FOXN3: variants seen among roughly 807,000 people sequenced by gnomAD.
The protein encoded by FOXN3 is forkhead box protein N3.
FOXN3 carries 7 observed loss-of-function variants against 38.4 expected under a neutral mutation model. That is an observed-to-expected ratio of 0.18 (90% CI 0.10 to 0.34). The LOEUF is 0.34. Among genes scored for constraint, FOXN3 ranks in the 10% least tolerant of loss-of-function variants. The pLI, the probability that FOXN3 is intolerant of heterozygous loss-of-function variation, is 1.00. For missense variants in FOXN3, 456 were observed against 613.4 expected (o/e 0.74, Z 2.71); for synonymous variants, 230 against 242.2 (o/e 0.95, Z 0.47).
chr14:89,230,584 CTAT>C (rs1884776400), intron 4 of FOXN3: 2 of 232,658 alleles, frequency 8.6e-6, no homozygotes, highest in African/African-American at 2.2e-5. Flanking sequence ...GTGCTAGCTA[CTAT>C]TATTATTTTG....
At chr14:89,515,265 C>T (rs1241958264) in intron 1 of FOXN3, among the ~76,000 whole-genome samples, 5 of 152,058 alleles carry the variant, frequency 3.3e-5, no homozygotes, top group Admixed American at 1.3e-4. Context: ...TCTGGATCTA[C>T]AGTCCACTTT....
chr14:89,493,876 G>T (rs1320969319), intron 1 of FOXN3: 2 of 150,160 alleles, frequency 1.3e-5, no homozygotes, highest in African/African-American at 2.5e-5. Flanking sequence ...AAAAAAAATA[G>T]CTTCATTAAC....
chr14:89,344,618 C>G (rs1888712035), intron 3 of FOXN3, among the ~76,000 whole-genome samples: 1 of 152,186 alleles, frequency 6.6e-6, no homozygotes, highest in African/African-American at 2.4e-5. Flanking sequence ...ATGGGGAGAG[C>G]TGCTGTTTAT....
chr14:89,193,204 A>C (rs1888008681), intron 4 of FOXN3, among the ~76,000 whole-genome samples: 3 of 152,026 alleles, frequency 2.0e-5, no homozygotes, highest in African/African-American at 7.2e-5. Context: ...ACTCGTACCC[A>C]AAGTTTTTCT....
At chr14:89,189,546 G>C (rs1887892502) in intron 4 of FOXN3, among the ~76,000 whole-genome samples, 2 of 152,250 alleles carry the variant, frequency 1.3e-5, no homozygotes, top group African/African-American at 4.8e-5. Flanking sequence ...TAAACCAGCT[G>C]TCTGTGTGTT....
chr14:89,299,546 C>G (rs1260651494), intron 3 of FOXN3, among the ~76,000 whole-genome samples: 1 of 152,230 alleles, frequency 6.6e-6, no homozygotes, highest in Non-Finnish European at 1.5e-5. Context: ...TGGAATCTCT[C>G]CATCTCAGCC....
chr14:89,552,672 A>G (rs1376626912), intron 1 of FOXN3, among the ~76,000 whole-genome samples: 1 of 152,206 alleles, frequency 6.6e-6, no homozygotes, highest in Non-Finnish European at 1.5e-5. Context: ...CAGCCTGGCA[A>G]ACATGCCAAA....
chr14:89,201,791 C>T (rs1888242611), intron 4 of FOXN3, among the ~76,000 whole-genome samples: 1 of 152,208 alleles, frequency 6.6e-6, no homozygotes, highest in African/African-American at 2.4e-5. Flanking sequence ...AAGATAGCTC[C>T]TGCCCAGTTC....
chr14:89,345,501 C>T (rs1888735733), intron 3 of FOXN3, among the ~76,000 whole-genome samples: 1 of 151,924 alleles, frequency 6.6e-6, no homozygotes, highest in African/African-American at 2.4e-5. Context: ...TTTTTTATTT[C>T]AATAGTTTTT....
intron 4 of FOXN3, among the ~76,000 whole-genome samples, chr14:89,252,885 C>G (rs10467851): frequency 0.092 from 13,968 of 152,146 alleles, 1,674 homozygotes; most frequent in African/African-American, 0.28. Context: ...TGAGTGTGTG[C>G]ACAACATGGC....
intron 1 of FOXN3, among the ~76,000 whole-genome samples, chr14:89,581,650 G>A (rs531231366): frequency 5.2e-4 from 79 of 152,202 alleles, no homozygotes; most frequent in Admixed American, 4.8e-3. Flanking sequence ...CAGGGCCATG[G>A]TGTTTGATGT....
At chr14:89,394,693 C>T (rs1386267371) in intron 2 of FOXN3, among the ~76,000 whole-genome samples, 1 of 152,240 alleles carries the variant, frequency 6.6e-6, no homozygotes, top group East Asian at 1.9e-4. Flanking sequence ...GCGCTGAGCG[C>T]CCTCACAGCC....
intron 4 of FOXN3, among the ~76,000 whole-genome samples, chr14:89,195,781 C>T (rs541516033): frequency 5.3e-5 from 8 of 152,240 alleles, no homozygotes; most frequent in African/African-American, 9.6e-5. Context: ...CAGGGGGGTA[C>T]GAGAGAACAA....
chr14:89,597,867 A>C (rs990555588), intron 1 of FOXN3, among the ~76,000 whole-genome samples: 3 of 152,066 alleles, frequency 2.0e-5, no homozygotes, highest in Admixed American at 6.6e-5. Flanking sequence ...CAATCTGATA[A>C]TCTTTTGACT....
chr14:89,438,031 TGAAC>T (rs1596273457), intron 1 of FOXN3, among the ~76,000 whole-genome samples: 3 of 152,274 alleles, frequency 2.0e-5, no homozygotes, highest in African/African-American at 7.2e-5. Flanking sequence ...TGATAATGAA[TGAAC>T]GACTGCTGTA....
At chr14:89,343,494 A>AG (rs991247137) in intron 3 of FOXN3, among the ~76,000 whole-genome samples, 1 of 151,606 alleles carries the variant, frequency 6.6e-6, no homozygotes, top group Non-Finnish European at 1.5e-5. Context: ...TAAATTAAAA[A>AG]AAAAAAAGGA....
rs573114116 is a variant in FOXN3, at chr14:89,261,907, C to T, written c.745+19043G>A. Among the ~76,000 whole-genome samples the T allele has an allele frequency of 8.6e-5, 13 of 152,024 alleles. No homozygotes were observed. In the South Asian group the frequency reaches 2.3e-3, roughly 27 times the overall value. Reference sequence around the variant, plus strand: ...CATGTCAACTGCACTCCAGTCTGGGCGACAGAGCGAGACTCCGTCTCAAAA... The same window carrying T: ...CATGTCAACTGCACTCCAGTCTGGGTGACAGAGCGAGACTCCGTCTCAAAA... On this transcript the variant is annotated intron_variant, in intron 4 of 5. Transcript: ENST00000557258.
At chr14:89,443,869 C>T (rs1892439379) in intron 1 of FOXN3, among the ~76,000 whole-genome samples, 2 of 152,122 alleles carry the variant, frequency 1.3e-5, no homozygotes, top group South Asian at 4.1e-4. Context: ...ATTAGCTAGG[C>T]ATGGTGGTGC....
chr14:89,329,364 G>A (rs1888170688), intron 3 of FOXN3, among the ~76,000 whole-genome samples: 2 of 152,238 alleles, frequency 1.3e-5, no homozygotes, highest in South Asian at 4.1e-4. Context: ...TCGGAACATA[G>A]CAGAAGGGAT....
Sources: gnomAD v4.1 joint callset for allele counts (sites outside exome capture counted in the v4.1 genomes callset) on GRCh38, gnomAD v4.1.1 for gene constraint, MANE v1.5 for transcripts, NCBI Gene and HGNC (gene_info 2026-07-23, HGNC 2026-07-21) for gene names.